FRMPD1: variants seen among roughly 807,000 people sequenced by gnomAD.
FRMPD1 encodes the protein FERM and PDZ domain-containing protein 1.
Under a neutral mutation model 117.8 loss-of-function variants are expected in FRMPD1, and 76 were observed. The ratio of observed to expected loss-of-function variants is 0.65; its 90% CI spans 0.54 to 0.78. The LOEUF (loss-of-function observed/expected upper bound fraction) is 0.78, where lower values mean the gene tolerates loss of function less well. FRMPD1 is among the 30% of genes least tolerant of loss of function. The pLI is 0.00. For missense variants in FRMPD1, 1,786 were observed against 1,964.5 expected, an observed-to-expected ratio of 0.91 and a Z score of 1.72; for synonymous variants, 783 against 770.4, an observed-to-expected ratio of 1.02 and a Z score of -0.27.
chr9:37,708,689 C>T (rs1563942137), intron 4 of FRMPD1, among the ~76,000 whole-genome samples, 188 bp downstream of exon 4: 2 of 152,140 alleles, frequency 1.3e-5, no homozygotes, highest in Non-Finnish European at 2.9e-5. Context: ...TTACAGTCCA[C>T]TCTCTCTCAC....
At chr9:37,608,147 G>C in the FRMPD1 span, among the ~76,000 whole-genome samples, 4 of 152,156 alleles carry the variant, frequency 2.6e-5, no homozygotes, top group South Asian at 8.3e-4. Context: ...TCCCCACAGG[G>C]TCCTTGCTCG....
rs550301125 is a variant in FRMPD1, at chr9:37,717,277, T to C, written c.409-1792T>C. ...CTAAAAGCTCTCTGACTATCTCTTATCTTGGATTTTGCCGAGAAAAAAAAA... is the reference window on the plus strand; with the variant it reads ...CTAAAAGCTCTCTGACTATCTCTTACCTTGGATTTTGCCGAGAAAAAAAAA... On this transcript the variant is annotated intron_variant, in intron 5 of 15. Coordinates refer to ENST00000377765, the MANE Select transcript of FRMPD1 (RefSeq NM_014907.3). Among the ~76,000 whole-genome samples, 89 of 150,210 alleles carry C rather than the reference T, an allele frequency of 5.9e-4. No individual in the cohort carries two copies. In the East Asian group the frequency reaches 9.3e-3, roughly 16 times the overall value.
chr9:37,619,166 A>T, the FRMPD1 span, among the ~76,000 whole-genome samples: 2,949 of 152,112 alleles, frequency 0.019, 80 homozygotes, highest in African/African-American at 0.061. Context: ...TGCGGATGAA[A>T]TTTTTTCCAA....
chr9:37,706,970 CCATCCATT>C lies in FRMPD1; in HGVS notation c.102-442_102-435del, dbSNP rs1210241183. Among the ~76,000 whole-genome samples, 608 of 144,916 alleles carry C rather than the reference CCATCCATT, an allele frequency of 4.2e-3. 5 individuals carry two copies. The highest frequency in any genetic ancestry group is 5.3e-3 in the Non-Finnish European group (340 of 64,164). On this transcript the variant is annotated intron_variant, in intron 2 of 15. Coordinates refer to ENST00000377765, the MANE Select transcript of FRMPD1 (RefSeq NM_014907.3). The stretch of plus-strand genomic sequence containing the variant: ...TCCATCCATCCATCCATCCATCCAT[CCATCCATT>C]CATTCATTGATTCACTCAGCAGCAG...
intron 1 of FRMPD1, chr9:37,669,955 T>A (rs1821292774): frequency 1.3e-5 from 2 of 150,328 alleles, no homozygotes; most frequent in African/African-American, 2.5e-5. Context: ...ATCACGCCAT[T>A]GCACTCCAGC....
the FRMPD1 span, among the ~76,000 whole-genome samples, chr9:37,628,884 A>G: frequency 6.6e-6 from 1 of 152,224 alleles, no homozygotes; most frequent in African/African-American, 2.4e-5. Flanking sequence ...CATCACCATT[A>G]TCTAGGAACT....
intron 1 of FRMPD1, among the ~76,000 whole-genome samples, chr9:37,686,812 C>T (rs1364948462): frequency 2.6e-5 from 4 of 152,318 alleles, no homozygotes; most frequent in Non-Finnish European, 5.9e-5. Flanking sequence ...TGGATATGTT[C>T]GAGATCCCTG....
rs760670232 is a variant in FRMPD1 at position 37,745,326 on chromosome 9, C to G, written c.3294C>G (p.Ile1098Met). The change falls in exon 16 of 16, where the codon ATC becomes ATG. Residue 1098 changes from isoleucine to methionine, a missense_variant. Transcript: ENST00000377765. ...GINPGEKIAS[I>M]PTKEEPQGQL... ...ATCCAGGAGAGAAGATAGCTTCTAT[C>G]CCTACAAAGGAAGAGCCACAAGGAC... 6.2e-7 allele frequency: 1 copy of G among 1,610,942 alleles called. No homozygotes were observed. The highest frequency in any genetic ancestry group is 1.3e-5 in the African/African-American group (1 of 74,836).
chr9:37,636,304 C>T, the FRMPD1 span, among the ~76,000 whole-genome samples: 1 of 152,172 alleles, frequency 6.6e-6, no homozygotes, highest in African/African-American at 2.4e-5. Context: ...AGACCCTCAG[C>T]TCTTGGGCAG....
At position 37,733,433 on chromosome 9, in the gene FRMPD1, T is replaced by C. The variant is rs760022479; in HGVS notation, c.996-40T>C. 25 of 1,600,360 alleles carry C rather than the reference T, an allele frequency of 1.6e-5. No individual in the cohort carries two copies. In the East Asian group the frequency reaches 5.4e-4, roughly 34 times the overall value. ...TGCTCTTCATTAGAGCCAAGTACCC[T>C]GTAGAAATGGGCCTCCTTGTCTCCA... On this transcript the variant is annotated intron_variant, in intron 10 of 15. Coordinates refer to ENST00000377765, the MANE Select transcript of FRMPD1 (RefSeq NM_014907.3).
chr9:37,680,247 G>A (rs576597482), intron 1 of FRMPD1, among the ~76,000 whole-genome samples: 4 of 152,326 alleles, frequency 2.6e-5, no homozygotes, highest in Admixed American at 2.6e-4. Flanking sequence ...TTAGGCAGAT[G>A]GGAAATGTGA....
At chr9:37,664,207 A>G (rs1821085748) in intron 1 of FRMPD1, among the ~76,000 whole-genome samples, 1 of 152,004 alleles carries the variant, frequency 6.6e-6, no homozygotes, top group Non-Finnish European at 1.5e-5. Flanking sequence ...GATTCAGAGC[A>G]GGGAGACCAC....
upstream of FRMPD1, among the ~76,000 whole-genome samples, chr9:37,649,453 T>A (rs1820600738): frequency 6.6e-6 from 1 of 152,116 alleles, no homozygotes; most frequent in Non-Finnish European, 1.5e-5. Flanking sequence ...ACTCAGCCCG[T>A]GGATCTGGGT....
intron 2 of FRMPD1, chr9:37,693,265 T>C (rs1443896071): frequency 1.3e-5 from 2 of 153,238 alleles, no homozygotes; most frequent in African/African-American, 4.8e-5. Flanking sequence ...CCTATGTCAT[T>C]CTAAACAAAA....
the FRMPD1 span, among the ~76,000 whole-genome samples, chr9:37,626,621 T>TAAAAAAAAAAAAAAAAAAAA: frequency 7.1e-5 from 2 of 28,178 alleles, no homozygotes; most frequent in African/African-American, 1.6e-4. Context: ...ACCTGGTATC[T>TAAAAAAAAAAAAAAAAAAAA]GAAAAAAAAA....
chr9:37,614,176 T>C, the FRMPD1 span, among the ~76,000 whole-genome samples: 1 of 152,152 alleles, frequency 6.6e-6, no homozygotes, highest in Non-Finnish European at 1.5e-5. Flanking sequence ...GAAGTGGTTG[T>C]TGAAGAGTGG....
At chr9:37,685,062 T>C (rs1381794935) in intron 1 of FRMPD1, among the ~76,000 whole-genome samples, 1 of 152,134 alleles carries the variant, frequency 6.6e-6, no homozygotes, top group African/African-American at 2.4e-5. Flanking sequence ...CCAAGATGTC[T>C]TTCAAGAACA....
At chr9:37,607,355 T>A in the FRMPD1 span, among the ~76,000 whole-genome samples, 1 of 152,024 alleles carries the variant, frequency 6.6e-6, no homozygotes, top group Non-Finnish European at 1.5e-5. Context: ...GGGAAAGGAA[T>A]GAAAGTGGTG....
chr9:37,726,072 A>G (rs1422912837), intron 7 of FRMPD1, among the ~76,000 whole-genome samples: 1 of 152,226 alleles, frequency 6.6e-6, no homozygotes, highest in Non-Finnish European at 1.5e-5. Flanking sequence ...GATGACAGAG[A>G]GAGTTGGGGA....
Sources: gnomAD v4.1 joint callset for allele counts (sites outside exome capture counted in the v4.1 genomes callset) on GRCh38, gnomAD v4.1.1 for gene constraint, MANE v1.5 for transcripts, NCBI Gene and HGNC (gene_info 2026-07-23, HGNC 2026-07-21) for gene names.